The following GNAO1 variants were observed in gnomAD, a reference collection of about 807,000 sequenced individuals.
GNAO1 encodes the protein guanine nucleotide-binding protein G(o) subunit alpha.
For missense variants in GNAO1, 166 were observed against 478.7 expected (o/e 0.35, Z 6.10); for synonymous variants, 164 against 180.7 (o/e 0.91, Z 0.74).
chr16:56,242,767 A>G (rs2895069), intron 2 of GNAO1, among the ~76,000 whole-genome samples: 21,484 of 152,242 alleles, frequency 0.14, 2,018 homozygotes, highest in African/African-American at 0.26. Flanking sequence ...AACATCATAA[A>G]CAACAAAAGA....
chr16:56,236,335 C>G (rs190590256), intron 2 of GNAO1, among the ~76,000 whole-genome samples: 198 of 152,196 alleles, frequency 1.3e-3, no homozygotes, highest in African/African-American at 4.5e-3. Flanking sequence ...AACACAGGCA[C>G]GCACACACAT....
At chr16:56,282,667 C>A (rs1408667344) in intron 3 of GNAO1, among the ~76,000 whole-genome samples, 1 of 152,214 alleles carries the variant, frequency 6.6e-6, no homozygotes. Flanking sequence ...AATGGCCCTA[C>A]AAGCAAGGGC....
chr16:56,196,170 G>A (rs1462023917), intron 2 of GNAO1, among the ~76,000 whole-genome samples: 1 of 152,000 alleles, frequency 6.6e-6, no homozygotes, highest in African/African-American at 2.4e-5. Context: ...GTGAATTCGT[G>A]TGAGGGAGCT....
chr16:56,347,690 C>T (rs1341096141), intron 6 of GNAO1: 4 of 985,932 alleles, frequency 4.1e-6, no homozygotes, highest in East Asian at 1.1e-4. Context: ...AGAGACCCAC[C>T]GCCCTTCCTG....
intron 2 of GNAO1, among the ~76,000 whole-genome samples, chr16:56,208,270 T>C (rs1871200): frequency 0.61 from 92,742 of 152,104 alleles, 28,607 homozygotes; most frequent in East Asian, 0.71. Flanking sequence ...TTCATGAATA[T>C]GCTATATATT....
chr16:56,272,417 A>G (rs1458364818), intron 2 of GNAO1, among the ~76,000 whole-genome samples: 1 of 152,252 alleles, frequency 6.6e-6, no homozygotes, highest in Non-Finnish European at 1.5e-5. Context: ...ACCCAGAAAC[A>G]GGAAGCCTAT....
intron 2 of GNAO1, chr16:56,271,102 A>G (rs1201260118): frequency 1.3e-5 from 2 of 152,260 alleles, no homozygotes; most frequent in Non-Finnish European, 2.9e-5. Flanking sequence ...TTGCCAGAAC[A>G]TTGGGCAGAT....
chr16:56,295,990 C>G (rs530855806), intron 3 of GNAO1, among the ~76,000 whole-genome samples: 1 of 152,252 alleles, frequency 6.6e-6, no homozygotes, highest in East Asian at 1.9e-4. Context: ...TATTAGGGAC[C>G]TTGGCCGTCC....
At chr16:56,245,803 A>G (rs575884360) in intron 2 of GNAO1, among the ~76,000 whole-genome samples, 1 of 152,226 alleles carries the variant, frequency 6.6e-6, no homozygotes, top group Non-Finnish European at 1.5e-5. Context: ...AACAAAAAAC[A>G]TAGCAATTGA....
chr16:56,283,502 C>T (rs2037134246), intron 3 of GNAO1, among the ~76,000 whole-genome samples: 1 of 152,174 alleles, frequency 6.6e-6, no homozygotes, highest in Admixed American at 6.5e-5. Flanking sequence ...ACATTTAAGT[C>T]ACACAATGGA....
At chr16:56,321,835 G>T (rs1712440243) in intron 3 of GNAO1, among the ~76,000 whole-genome samples, 1 of 152,202 alleles carries the variant, frequency 6.6e-6, no homozygotes, top group Non-Finnish European at 1.5e-5. Flanking sequence ...GTTTTCTAAA[G>T]AAGTCAGCTC....
chr16:56,227,520 A>G (rs946478777), intron 2 of GNAO1, among the ~76,000 whole-genome samples: 23 of 152,076 alleles, frequency 1.5e-4, no homozygotes, highest in African/African-American at 4.8e-4. Flanking sequence ...CTGTGCTTCA[A>G]CGGTAAGAGC....
intron 2 of GNAO1, among the ~76,000 whole-genome samples, chr16:56,198,065 A>C (rs1324684326): frequency 3.3e-5 from 5 of 152,008 alleles, no homozygotes; most frequent in Non-Finnish European, 7.4e-5. Context: ...AAAACAAAAC[A>C]AAAAAAACCA....
At chr16:56,343,993 C>T (rs180806535) in intron 6 of GNAO1, 163 of 1,601,374 alleles carry the variant, frequency 1.0e-4, no homozygotes, top group Middle Eastern at 3.4e-4. Flanking sequence ...CCTGGCCTGC[C>T]GCCCCCCCTC....
chr16:56,211,612 G>T (rs2036388973), intron 2 of GNAO1, among the ~76,000 whole-genome samples: 1 of 152,200 alleles, frequency 6.6e-6, no homozygotes. Flanking sequence ...CCAAGGAAAT[G>T]AGTTCACAAC....
At chr16:56,303,515 T>A (rs2037364167) in intron 3 of GNAO1, among the ~76,000 whole-genome samples, 1 of 152,178 alleles carries the variant, frequency 6.6e-6, no homozygotes, top group Non-Finnish European at 1.5e-5. Flanking sequence ...GACCCTGACA[T>A]GGGAGAGGCT....
At chr16:56,349,404 C>T (rs1341167267) in intron 6 of GNAO1, among the ~76,000 whole-genome samples, 2 of 152,204 alleles carry the variant, frequency 1.3e-5, no homozygotes, top group South Asian at 2.1e-4. Context: ...CCACTCTGGC[C>T]TCATAATGTG....
At chr16:56,203,550 T>G (rs1192737929) in intron 2 of GNAO1, among the ~76,000 whole-genome samples, 1 of 151,968 alleles carries the variant, frequency 6.6e-6, no homozygotes, top group African/African-American at 2.4e-5. Flanking sequence ...TTTGGGAGAC[T>G]GGAGGACAAA....
chr16:56,341,403 C>T (rs2037802270), intron 6 of GNAO1, among the ~76,000 whole-genome samples: 1 of 152,256 alleles, frequency 6.6e-6, no homozygotes, highest in South Asian at 2.1e-4. Context: ...CCTCTCTGAA[C>T]CTCAGTCTCT....
Sources: allele counts gnomAD v4.1 joint callset (sites outside exome capture counted in the v4.1 genomes callset), GRCh38; gene constraint gnomAD v4.1.1; transcripts MANE v1.5; gene names NCBI Gene and HGNC (gene_info 2026-07-23, HGNC 2026-07-21).